Variants in MYH14 observed in about 807,000 individuals in gnomAD.
The protein encoded by MYH14 is myosin heavy chain 14.
MYH14 carries 123 observed loss-of-function variants against 255.5 expected under a neutral mutation model. The observed-to-expected ratio is 0.48, with a 90% CI of 0.42 to 0.56. The LOEUF (loss-of-function observed/expected upper bound fraction) is 0.56. Among genes scored for constraint, MYH14 ranks in the 20% least tolerant of loss-of-function variants. The probability of loss-of-function intolerance (pLI) is 0.00; values close to 1 mark genes in which losing one functional copy is unlikely to be tolerated. For synonymous variants in MYH14, 1,095 were observed against 1,161.2 expected (o/e 0.94, Z 1.16); for missense variants, 2,423 against 2,802.3 (o/e 0.86, Z 3.06).
intron 2 of MYH14, among the ~76,000 whole-genome samples, chr19:50,212,369 G>T (rs1386123797): frequency 6.6e-6 from 1 of 152,208 alleles, no homozygotes; most frequent in Non-Finnish European, 1.5e-5. Context: ...CAATCATAAT[G>T]AAAAATAATA....
At position 50,250,761 on chromosome 19, in the gene MYH14, G is replaced by A. The variant is rs891039235; in HGVS notation, c.1830+73G>A. On this transcript the variant is annotated intron_variant, in intron 15 of 42. Transcript: ENST00000642316. This position sits in a 1 kb window ranked among gnomAD's most constrained non-coding sequence, Gnocchi z 5.4. ...GATCTCCACTGGCTACAGATGGGGG[G>A]AGGGTGCAGAGGGAAAACAGGGTCC... is the stretch of plus-strand genomic sequence containing the variant. 1.4e-6 allele frequency: 2 copies of A among 1,473,752 alleles called. No individual in the cohort carries two copies. Among genetic ancestry groups the A allele is most frequent in the South Asian group, 2.5e-5 (2 of 78,500 alleles). The allele number at this position is 1,473,752 out of a possible 1,614,324, so 91.3% of individuals were successfully genotyped here.
Position 50,293,388 on chromosome 19 carries a change from G to A in MYH14, c.5345+67G>A. The A allele has an allele frequency of 6.5e-7, 1 of 1,526,772 alleles. No homozygotes were observed. Among genetic ancestry groups the A allele is most frequent in the Non-Finnish European group, 8.9e-7 (1 of 1,120,604 alleles). The allele number at this position is 1,526,772 out of a possible 1,614,324, so 94.6% of individuals were successfully genotyped here. ...CAGGAGGTGAAGCTGGGGTAGGCTG[G>A]AGGTGGCTGGGCTCTGGGACAGGAA... On this transcript the variant is annotated intron_variant, in intron 38 of 42. Coordinates refer to ENST00000642316, the MANE Select transcript of MYH14 (RefSeq NM_001145809.2). This position sits in a 1 kb window ranked among gnomAD's most constrained non-coding sequence, Gnocchi z 4.1.
intron 2 of MYH14, among the ~76,000 whole-genome samples, chr19:50,214,963 C>T (rs572199211): frequency 2.0e-5 from 3 of 152,202 alleles, no homozygotes; most frequent in Middle Eastern, 3.4e-3. Context: ...GTGTCGCCCT[C>T]GGTTTCCCAA....
At chr19:50,283,702 T>C (rs1269095083) in intron 33 of MYH14, among the ~76,000 whole-genome samples, 1 of 152,252 alleles carries the variant, frequency 6.6e-6, no homozygotes, top group Non-Finnish European at 1.5e-5. Context: ...ATATATCTTA[T>C]TTGCTGAAGC....
intron 11 of MYH14, among the ~76,000 whole-genome samples, chr19:50,245,092 C>G (rs2034049526): frequency 6.6e-6 from 1 of 151,914 alleles, no homozygotes; most frequent in African/African-American, 2.4e-5. Flanking sequence ...ATAATACAAG[C>G]TGGAAGGGGG....
At position 50,309,932 on chromosome 19, in the gene MYH14, C is replaced by A. The variant is rs770209944; in HGVS notation, c.*142C>A. On this transcript the variant is annotated 3_prime_UTR_variant, in exon 43 of 43. Coordinates refer to ENST00000642316, the MANE Select transcript of MYH14 (RefSeq NM_001145809.2). Reference sequence around the variant, plus strand: ...GCAGCACTCTGGCATTTATCACCCCCACCTGGGTCCCCTGCAACCTCCCAT... The same window carrying A: ...GCAGCACTCTGGCATTTATCACCCCAACCTGGGTCCCCTGCAACCTCCCAT... 19 of 854,278 alleles carry A rather than the reference C, an allele frequency of 2.2e-5. 1 individual carries two copies. Among genetic ancestry groups the A allele is most frequent in the South Asian group, 1.6e-4 (11 of 67,288 alleles). The allele number at this position is 854,278 out of a possible 1,614,324, so 52.9% of individuals were successfully genotyped here.
At chr19:50,282,225 C>T (rs1333434347) in intron 33 of MYH14, among the ~76,000 whole-genome samples, 1 of 152,166 alleles carries the variant, frequency 6.6e-6, no homozygotes, top group Non-Finnish European at 1.5e-5. Context: ...CTTCAGTTCG[C>T]CCATCTGGAA....
At chr19:50,226,833 G>C (rs1331544445) in intron 7 of MYH14, 70 bp from the exon 8 acceptor site, 22 of 1,457,058 alleles carry the variant, frequency 1.5e-5, no homozygotes, top group Admixed American at 8.5e-5. Context: ...TGTGGGGTTT[G>C]GGCTGTTGTT....
intron 30 of MYH14, among the ~76,000 whole-genome samples, chr19:50,278,815 A>T (rs1400304520): frequency 3.8e-5 from 2 of 52,562 alleles, no homozygotes; most frequent in Non-Finnish European, 9.6e-5. Context: ...TCTCTACTAA[A>T]AAAAAAAAAA....
intron 36 of MYH14, among the ~76,000 whole-genome samples, 176 bp downstream of exon 36, chr19:50,291,224 A>G (rs769841537): frequency 2.0e-5 from 3 of 151,572 alleles, no homozygotes; most frequent in African/African-American, 7.3e-5. Context: ...TTCTTCTTCT[A>G]TTTTACATTT....
chr19:50,253,737 CT>C, intron 16 of MYH14, among the ~76,000 whole-genome samples: 1 of 152,268 alleles, frequency 6.6e-6, no homozygotes, highest in South Asian at 2.1e-4. Flanking sequence ...TTTTCCAAGC[CT>C]TTTCTGCCAC....
intron 6 of MYH14, 92 bp from the exon 7 acceptor site, chr19:50,225,493 C>T: frequency 4.3e-6 from 4 of 928,998 alleles, no homozygotes; most frequent in East Asian, 2.6e-5. Context: ...CACACAGATA[C>T]TCAGTCAGCT....
chr19:50,240,553 C>T (rs1474167839), intron 10 of MYH14, among the ~76,000 whole-genome samples: 2 of 152,094 alleles, frequency 1.3e-5, no homozygotes, highest in Non-Finnish European at 2.9e-5. Context: ...CCACTGCACT[C>T]CAGCCTGGGC....
intron 39 of MYH14, among the ~76,000 whole-genome samples, chr19:50,300,844 G>A (rs773921384): frequency 2.6e-5 from 4 of 152,134 alleles, no homozygotes; most frequent in Non-Finnish European, 5.9e-5. Context: ...GATCACTTAA[G>A]CTTGGGAGTT....
intron 10 of MYH14, among the ~76,000 whole-genome samples, chr19:50,232,612 A>AC (rs1665638757): frequency 6.6e-6 from 1 of 150,958 alleles, no homozygotes; most frequent in Non-Finnish European, 1.5e-5. Flanking sequence ...AAAAAAAAAA[A>AC]AAAACAAAAA....
In MYH14 at chr19:50,227,952, A is replaced by G. The variant is rs141034642; in HGVS notation, c.874+986A>G. Among the ~76,000 whole-genome samples, 854 of 152,286 alleles carry G rather than the reference A, an allele frequency of 5.6e-3. 15 individuals carry two copies. Among genetic ancestry groups the G allele is most frequent in the Non-Finnish European group, 4.5e-3 (308 of 68,030 alleles). On this transcript the variant is annotated intron_variant, in intron 8 of 42. Coordinates refer to ENST00000642316, the MANE Select transcript of MYH14 (RefSeq NM_001145809.2). ...TGCTTGGCCACAGCACCTGCTACAT[A>G]GCAGGCACTCAAGAACAAGCTATTA...
chr19:50,216,431 C>T (rs773972626), intron 2 of MYH14, among the ~76,000 whole-genome samples: 16 of 152,016 alleles, frequency 1.1e-4, no homozygotes, highest in Non-Finnish European at 1.8e-4. Flanking sequence ...AGTGAGACCC[C>T]GTCTCTACTA....
intron 11 of MYH14, among the ~76,000 whole-genome samples, chr19:50,244,800 TGA>T (rs1478775085): frequency 6.6e-6 from 1 of 152,122 alleles, no homozygotes; most frequent in East Asian, 1.9e-4. Context: ...TGCTTTTTGC[TGA>T]GTCTTTGCCA....
At chr19:50,242,873 C>T (rs1315720971) in intron 10 of MYH14, among the ~76,000 whole-genome samples, 1 of 152,098 alleles carries the variant, frequency 6.6e-6, no homozygotes, top group African/African-American at 2.4e-5. Context: ...TGTACAGTGT[C>T]CTTTCCTAAA....
Sources: gnomAD v4.1 joint callset for allele counts (sites outside exome capture counted in the v4.1 genomes callset) on GRCh38, gnomAD v4.1.1 for gene constraint, Gnocchi (gnomAD v3.1) non-coding constraint, MANE v1.5 for transcripts, NCBI Gene and HGNC (gene_info 2026-07-23, HGNC 2026-07-21) for gene names.